The following MTFR1L variants were observed in gnomAD, a reference collection of about 807,000 sequenced individuals.
MTFR1L encodes mitochondrial fission regulator 1 like.
In MTFR1L, 10 loss-of-function variants were observed where a neutral mutation model predicts 27.9. That is an observed-to-expected ratio of 0.36 (90% CI 0.22 to 0.61). MTFR1L has a LOEUF of 0.61. Among genes scored for constraint, MTFR1L ranks in the 20% least tolerant of loss-of-function variants. MTFR1L has a pLI of 0.73. For missense variants in MTFR1L, 315 were observed against 363.7 expected (o/e 0.87, Z 1.09); for synonymous variants, 151 against 139.4 (o/e 1.08, Z -0.58).
Position 25,826,498 on chromosome 1 carries a change from TG to T in MTFR1L, c.239+90del. The stretch of plus-strand genomic sequence containing the variant: ...AGCAAGGAGAGAGGAATGAGAACTG[TG>T]GGCTCAGAGAGGAGCAGAACCTTAC... On this transcript the variant is annotated intron_variant, in intron 4 of 6. Coordinates refer to ENST00000374303, the MANE Select transcript of MTFR1L (RefSeq NM_001099625.2). The surrounding 1 kb of genome is among the most constrained non-coding windows in gnomAD (Gnocchi z 4.1). 1 of 1,583,246 alleles carries T rather than the reference TG, an allele frequency of 6.3e-7. No homozygotes were observed. The highest frequency in any genetic ancestry group is 8.7e-7 in the Non-Finnish European group (1 of 1,152,690).
At chr1:25,829,344 T>C (rs180951205) in intron 5 of MTFR1L, among the ~76,000 whole-genome samples, 165 bp from the exon 6 acceptor site, 9 of 152,286 alleles carry the variant, frequency 5.9e-5, no homozygotes, top group African/African-American at 2.2e-4. Flanking sequence ...GTGAGAAGCA[T>C]AGTGGAATGA....
intron 6 of MTFR1L, 90 bp downstream of exon 6, chr1:25,829,920 T>C: frequency 8.7e-7 from 1 of 1,153,998 alleles, no homozygotes; most frequent in Non-Finnish European, 1.2e-6. Flanking sequence ...TAGTAAGTTC[T>C]TAGTAGTACC....
In MTFR1L at chr1:25,826,697, C is replaced by T. The variant is rs749895074; in HGVS notation, c.322C>T (p.Arg108Cys). Residue 108 changes from arginine (R) to cysteine (C), a missense_variant, in exon 5 of 7, where the codon CGT (arginine) becomes TGT (cysteine). Arg to Cys is a radical substitution (Grantham distance 180). Coordinates refer to ENST00000374303, the MANE Select transcript of MTFR1L (RefSeq NM_001099625.2). This position sits in a 1 kb window ranked among gnomAD's most constrained non-coding sequence, Gnocchi z 4.1. ...GCGCAATGCCTCTGTTCCCAACCTG[C>T]GTGGGTCCGAGGAGAGGCTTCTGGC... The part of the protein sequence containing the change: ...MQRNASVPNL[R>C]GSEERLLALK... The T allele has an allele frequency of 5.0e-6, 8 of 1,614,044 alleles. No homozygotes were observed. Among genetic ancestry groups the T allele is most frequent in the African/African-American group, 1.3e-5 (1 of 74,928 alleles).
In MTFR1L at chr1:25,832,316, GCC is replaced by G; in HGVS notation, c.*293_*294del. The stretch of plus-strand genomic sequence containing the variant: ...GAGAAGTTGTTTCTGGTTTTTCCTT[GCC>G]CCTGTGTGAAAATAGGTCCTAAATG... On this transcript the variant is annotated 3_prime_UTR_variant, in exon 7 of 7. Transcript: ENST00000374303. 4 of 811,228 alleles carry G rather than the reference GCC, an allele frequency of 4.9e-6. No homozygotes were observed. The South Asian group carries it at 7.1e-5, about 14-fold the overall frequency. 50.3% of individuals were successfully genotyped at this position (811,228 alleles called of 1,614,324 possible).
chr1:25,827,175 C>T (rs530884585), intron 5 of MTFR1L, among the ~76,000 whole-genome samples: 22 of 151,728 alleles, frequency 1.4e-4, no homozygotes, highest in African/African-American at 4.4e-4. Context: ...CTTGCTCTGT[C>T]GCCCAGGCTG....
chr1:25,826,119 C>T lies in MTFR1L; in HGVS notation c.130-183C>T. On this transcript the variant is annotated intron_variant, in intron 3 of 6. Transcript: ENST00000374303. The surrounding 1 kb of genome is among the most constrained non-coding windows in gnomAD (Gnocchi z 4.1). Reference sequence around the variant, plus strand: ...CAAATGCTGGGATTACAGGTGTGAGCCACCATGCCTGACTGTCATCTGGCC... The same window carrying T: ...CAAATGCTGGGATTACAGGTGTGAGTCACCATGCCTGACTGTCATCTGGCC... 1 of 564,678 alleles carries T rather than the reference C, an allele frequency of 1.8e-6. No individual in the cohort carries two copies. The allele number at this position is 564,678 out of a possible 1,614,324, so 35.0% of individuals were successfully genotyped here.
In MTFR1L at chr1:25,826,364, C is replaced by T. The variant is rs34144426; in HGVS notation, c.192C>T (p.Asp64=). The T allele has an allele frequency of 1.2e-3, 1,943 of 1,614,226 alleles. 19 individuals carry two copies. The African/African-American group carries it at 0.019, about 16-fold the overall frequency. The stretch of plus-strand genomic sequence containing the variant: ...TGCCCCCAGTCCCTACCCTGGCTGA[C>T]ATCGCCTGGATTGCTGCGGATGAAG... ...RDVPPVPTLA[D]IAWIAADEEE... is the part of the protein sequence containing the mutation. The change falls in exon 4 of 7, where the codon GAC becomes GAT. Residue 64 remains aspartate (D), a synonymous_variant. Coordinates refer to ENST00000374303, the MANE Select transcript of MTFR1L (RefSeq NM_001099625.2). This position sits in a 1 kb window ranked among gnomAD's most constrained non-coding sequence, Gnocchi z 4.1.
chr1:25,831,971 T>C lies in MTFR1L; in HGVS notation c.824T>C (p.Val275Ala), dbSNP rs767522440. ...EEDPAVLISE[V>A]LRRKFALKEE... ...GACCCTGCTGTGCTTATCTCTGAGG[T>C]CCTAAGGAGGAAGTTTGCTCTAAAG... The change falls in exon 7 of 7, where the codon GTC (valine) becomes GCC (alanine). Residue 275 changes from valine to alanine, a missense_variant. Physicochemically the swap from Val to Ala is moderately conservative, Grantham distance 64 (BLOSUM62 0). Coordinates refer to ENST00000374303, the MANE Select transcript of MTFR1L (RefSeq NM_001099625.2). The C allele has an allele frequency of 6.2e-7, 1 of 1,614,070 alleles. No individual in the cohort carries two copies. The highest frequency in any genetic ancestry group is 1.3e-5 in the African/African-American group (1 of 74,922).
At chr1:25,829,908 C>A in intron 6 of MTFR1L, 78 bp downstream of exon 6, 4 of 1,246,814 alleles carry the variant, frequency 3.2e-6, no homozygotes, top group Non-Finnish European at 3.3e-6. Context: ...AACATACTTA[C>A]ATAGTAAGTT....
In MTFR1L at chr1:25,826,641, C is replaced by T; in HGVS notation, c.266C>T (p.Thr89Ile). The T allele has an allele frequency of 6.2e-7, 1 of 1,614,208 alleles. No individual in the cohort carries two copies. Among genetic ancestry groups the T allele is most frequent in the Non-Finnish European group, 8.5e-7 (1 of 1,180,054 alleles). Residue 89 changes from threonine to isoleucine, a missense_variant, in exon 5 of 7, where the codon ACC becomes ATC. Thr to Ile is a moderately conservative substitution (Grantham distance 89). Transcript: ENST00000374303. This position sits in a 1 kb window ranked among gnomAD's most constrained non-coding sequence, Gnocchi z 4.1. ...VRSDTRPLRH[T>I]WKPSPLIVMQ... is the part of the protein sequence containing the mutation. Reference sequence around the variant, plus strand: ...AGTGATACGCGCCCCCTGAGGCACACCTGGAAACCCAGCCCTCTGATTGTC... The same window carrying T: ...AGTGATACGCGCCCCCTGAGGCACATCTGGAAACCCAGCCCTCTGATTGTC...
chr1:25,823,180 CCTG>C, intron 2 of MTFR1L, 52 bp downstream of exon 2: 3 of 1,535,530 alleles, frequency 2.0e-6, no homozygotes, highest in Non-Finnish European at 2.7e-6. Flanking sequence ...GGGTGCTGGG[CCTG>C]CTGAAGTACT....
chr1:25,827,748 AAG>A (rs1303423327), intron 5 of MTFR1L, among the ~76,000 whole-genome samples: 1 of 149,278 alleles, frequency 6.7e-6, no homozygotes. Context: ...CGGTTGAAAC[AAG>A]AGTCTCATTC....
rs145783087 is a variant in MTFR1L, at chr1:25,829,583, T to A, written c.526T>A (p.Ser176Thr). Residue 176 changes from serine to threonine, a missense_variant, in exon 6 of 7, where the codon TCC (serine) becomes ACC (threonine). Physicochemically the swap from Ser to Thr is moderately conservative, Grantham distance 58. Transcript: ENST00000374303. Reference protein sequence around the residue: ...NVSSPLPCFGSSFHSTTSFVI... With the variant: ...NVSSPLPCFGTSFHSTTSFVI... ...CTCTTCTCCCTTACCTTGTTTTGGA[T>A]CCTCATTCCACTCTACAACTTCCTT... The A allele has an allele frequency of 2.1e-4, 342 of 1,614,252 alleles. 3 individuals are homozygous for A. In the African/African-American group the frequency reaches 4.1e-3, roughly 19 times the overall value.
rs774672301 is a variant in MTFR1L at position 25,826,734 on chromosome 1, C to T, written c.359C>T (p.Pro120Leu). ...SEERLLALKK[P>L]ALPALSRTTE... is the part of the protein sequence containing the mutation. ...GAGAGGCTTCTGGCCCTGAAGAAGCCAGCTCTGCCAGCCCTAAGCCGCACT... is the reference window on the plus strand; with the variant it reads ...GAGAGGCTTCTGGCCCTGAAGAAGCTAGCTCTGCCAGCCCTAAGCCGCACT... Residue 120 changes from proline (P) to leucine (L), a missense_variant, in exon 5 of 7, where the codon CCA (proline) becomes CTA (leucine). Physicochemically the swap from Pro to Leu is moderately conservative, Grantham distance 98. Coordinates refer to ENST00000374303, the MANE Select transcript of MTFR1L (RefSeq NM_001099625.2). This position sits in a 1 kb window ranked among gnomAD's most constrained non-coding sequence, Gnocchi z 4.1. 4 of 1,614,164 alleles carry T rather than the reference C, an allele frequency of 2.5e-6. No individual in the cohort carries two copies. In the South Asian group the frequency reaches 4.4e-5, roughly 18 times the overall value.
intron 1 of MTFR1L, chr1:25,820,256 G>A (rs1237303444): frequency 2.2e-6 from 1 of 455,920 alleles, no homozygotes. Flanking sequence ...CCAGACCTCA[G>A]GCTTCTAGTT....
chr1:25,829,841 G>C lies in MTFR1L; in HGVS notation c.773+11G>C, dbSNP rs1236948380. On this transcript the variant is annotated intron_variant, in intron 6 of 6. Coordinates refer to ENST00000374303, the MANE Select transcript of MTFR1L (RefSeq NM_001099625.2). ...ACAGAGTCAAGATCTGTAAGTATCT[G>C]ATGAGGAGCTCTGGTATCTATTTAC... 7 of 1,585,368 alleles carry C rather than the reference G, an allele frequency of 4.4e-6. No homozygotes were observed. The highest frequency in any genetic ancestry group is 6.0e-6 in the Non-Finnish European group (7 of 1,170,536).
intron 1 of MTFR1L, chr1:25,820,983 T>C: frequency 3.4e-6 from 1 of 294,142 alleles, no homozygotes; most frequent in South Asian, 2.8e-5. Context: ...GGGGTGCTGG[T>C]GTTTGATGCA....
chr1:25,820,524 C>A (rs765038172), intron 1 of MTFR1L: 18 of 354,934 alleles, frequency 5.1e-5, no homozygotes, highest in Non-Finnish European at 9.1e-5. Context: ...TTTCACTGAG[C>A]GCGGCGGCCT....
chr1:25,823,222 G>A (rs759546838), intron 2 of MTFR1L, 94 bp downstream of exon 2: 1 of 1,254,522 alleles, frequency 8.0e-7, no homozygotes, highest in Non-Finnish European at 1.2e-6. Flanking sequence ...CTCCAGTTGA[G>A]CACTCCTTTC....
Sources: allele counts gnomAD v4.1 joint callset (sites outside exome capture counted in the v4.1 genomes callset), GRCh38; gene constraint gnomAD v4.1.1; non-coding constraint Gnocchi (gnomAD v3.1); transcripts MANE v1.5; gene names NCBI Gene and HGNC (gene_info 2026-07-23, HGNC 2026-07-21).